PTPRD: variants seen among roughly 807,000 people sequenced by gnomAD.
PTPRD encodes protein tyrosine phosphatase receptor type D, also known as receptor-type tyrosine-protein phosphatase delta.
In PTPRD, 34 loss-of-function variants were observed where a neutral mutation model predicts 214.5. The ratio of observed to expected loss-of-function variants is 0.16; its 90% CI spans 0.12 to 0.21. PTPRD has a LOEUF of 0.21. PTPRD is among the 10% of genes least tolerant of loss of function. PTPRD has a pLI of 1.00. For synonymous variants in PTPRD, 1,128 were observed against 845.7 expected (o/e 1.33, Z -5.79); for missense variants, 2,545 against 2,398.7 (o/e 1.06, Z -1.27).
intron 7 of PTPRD, among the ~76,000 whole-genome samples, chr9:9,668,344 G>A (rs761430000): frequency 6.6e-6 from 1 of 152,072 alleles, no homozygotes; most frequent in Non-Finnish European, 1.5e-5. Flanking sequence ...AAATTTCAAA[G>A]GATTTTGCTT....
chr9:10,505,779 G>C (rs1373608259), intron 2 of PTPRD, among the ~76,000 whole-genome samples: 1 of 151,784 alleles, frequency 6.6e-6, no homozygotes, highest in African/African-American at 2.4e-5. Context: ...TGCTATTGAG[G>C]AAAAAGCATG....
chr9:9,636,929 C>T (rs2095791657), intron 7 of PTPRD, among the ~76,000 whole-genome samples: 1 of 152,134 alleles, frequency 6.6e-6, no homozygotes, highest in South Asian at 2.1e-4. Context: ...CCAAGGTGCA[C>T]CTTGAAGCTT....
At chr9:9,475,896 A>G (rs1240830213) in intron 8 of PTPRD, among the ~76,000 whole-genome samples, 1 of 152,194 alleles carries the variant, frequency 6.6e-6, no homozygotes, top group Non-Finnish European at 1.5e-5. Flanking sequence ...TATGTTATAT[A>G]TAAACTGCTA....
intron 11 of PTPRD, among the ~76,000 whole-genome samples, chr9:8,774,265 G>C (rs534825712): frequency 1.3e-5 from 2 of 152,032 alleles, no homozygotes; most frequent in South Asian, 4.1e-4. Context: ...ATCTTTTTTA[G>C]GTAGCATACC....
At position 9,826,539 on chromosome 9, in the gene PTPRD, T is replaced by A. The variant is rs184378371; in HGVS notation, c.-367-59688A>T. ...AAGTAATTTATCAAAAAATAGAGACTTTCAGTTCCTCAAATAGCCATTATT... is the reference window on the plus strand; with the variant it reads ...AAGTAATTTATCAAAAAATAGAGACATTCAGTTCCTCAAATAGCCATTATT... On this transcript the variant is annotated intron_variant, in intron 5 of 45. Coordinates refer to ENST00000381196, the MANE Select transcript of PTPRD (RefSeq NM_002839.4). Among the ~76,000 whole-genome samples the A allele has an allele frequency of 1.8e-4, 27 of 151,952 alleles. 1 individual carries two copies. The highest frequency in any genetic ancestry group is 4.8e-4 in the African/African-American group (20 of 41,422).
chr9:8,853,253 G>T (rs1006663059), intron 11 of PTPRD, among the ~76,000 whole-genome samples: 1 of 152,118 alleles, frequency 6.6e-6, no homozygotes, highest in Non-Finnish European at 1.5e-5. Context: ...ATAAGCATTT[G>T]CTCTTTGACC....
intron 3 of PTPRD, among the ~76,000 whole-genome samples, chr9:10,143,159 G>T (rs1278113229): frequency 6.6e-6 from 1 of 152,046 alleles, no homozygotes; most frequent in African/African-American, 2.4e-5. Context: ...AGCATTGGGA[G>T]ATATACCTAA....
At chr9:9,638,907 C>T (rs1315496647) in intron 7 of PTPRD, among the ~76,000 whole-genome samples, 3 of 152,188 alleles carry the variant, frequency 2.0e-5, no homozygotes, top group Admixed American at 1.3e-4. Context: ...CTTCACAGAG[C>T]AGAAGGTGAA....
intron 9 of PTPRD, among the ~76,000 whole-genome samples, chr9:9,195,133 C>T (rs1408833809): frequency 6.8e-6 from 1 of 147,648 alleles, no homozygotes; most frequent in Non-Finnish European, 1.5e-5. Flanking sequence ...TACATACATA[C>T]CCATATATAC....
chr9:8,449,738 G>T lies in PTPRD; in HGVS notation c.3975C>A (p.Asn1325Lys), dbSNP rs747115658. Residue 1325 changes from asparagine (N) to lysine (K), a missense_variant, in exon 34 of 46, where the codon AAC becomes AAA. By Grantham distance (94) the Asn-to-Lys change is moderately conservative. Transcript: ENST00000381196. Reference sequence around the variant, plus strand: ...GATGCTTCTTACCCGGTGTTTGAAAGTTAAGGCGCCTCAGTTCTACAGGGT... The same window carrying T: ...GATGCTTCTTACCCGGTGTTTGAAATTTAAGGCGCCTCAGTTCTACAGGGT... ...PTDPVELRRLNFQTPGMASHP... is the reference protein window; with the variant it reads ...PTDPVELRRLKFQTPGMASHP... The T allele has an allele frequency of 6.2e-7, 1 of 1,614,038 alleles. No individual in the cohort carries two copies. Among genetic ancestry groups the T allele is most frequent in the South Asian group, 1.1e-5 (1 of 91,074 alleles).
rs539552591 is a variant in PTPRD at position 9,894,287 on chromosome 9, A to T, written c.-368+44220T>A. On this transcript the variant is annotated intron_variant, in intron 5 of 45. Transcript: ENST00000381196. ...AGATTTCTTCTGGAAAGCAATTCAG[A>T]TTATAGTATCTCCTCATACTTAAAA... Among the ~76,000 whole-genome samples, 24 of 152,144 alleles carry T rather than the reference A, an allele frequency of 1.6e-4. 1 individual carries two copies. Among genetic ancestry groups the T allele is most frequent in the Non-Finnish European group, 3.4e-4 (23 of 67,978 alleles).
chr9:10,547,630 TAAG>T (rs1316568199), intron 2 of PTPRD, among the ~76,000 whole-genome samples: 3 of 151,956 alleles, frequency 2.0e-5, no homozygotes, highest in African/African-American at 7.2e-5. Flanking sequence ...TTTTTCTATA[TAAG>T]TAGTATTGTG....
chr9:8,781,161 C>T (rs183073517), intron 11 of PTPRD, among the ~76,000 whole-genome samples: 2 of 152,240 alleles, frequency 1.3e-5, no homozygotes, highest in Non-Finnish European at 2.9e-5. Context: ...TGCCTTGGTA[C>T]CACTTCAAGA....
At chr9:9,220,556 G>C (rs1183915942) in intron 9 of PTPRD, among the ~76,000 whole-genome samples, 1 of 151,862 alleles carries the variant, frequency 6.6e-6, no homozygotes, top group African/African-American at 2.4e-5. Context: ...AAAAAGCAAG[G>C]GGATGCTCCA....
intron 12 of PTPRD, among the ~76,000 whole-genome samples, chr9:8,688,564 CAAA>C (rs547442943): frequency 1.3e-5 from 1 of 76,004 alleles, no homozygotes; most frequent in African/African-American, 5.9e-5. Flanking sequence ...GACTCTGTCT[CAAA>C]AAAAAAAAAA....
chr9:10,179,341 C>T (rs775357727), intron 3 of PTPRD, among the ~76,000 whole-genome samples: 3 of 151,826 alleles, frequency 2.0e-5, no homozygotes, highest in Admixed American at 6.6e-5. Flanking sequence ...TTGAATAACT[C>T]TTAGAAGATA....
At chr9:9,448,686 TCTTA>T (rs1446606061) in intron 8 of PTPRD, among the ~76,000 whole-genome samples, 1 of 151,964 alleles carries the variant, frequency 6.6e-6, no homozygotes, top group Non-Finnish European at 1.5e-5. Flanking sequence ...ACAGGTCAGC[TCTTA>T]CTTACATGGG....
chr9:8,543,391 T>A (rs761623392), intron 14 of PTPRD, among the ~76,000 whole-genome samples: 3 of 152,194 alleles, frequency 2.0e-5, no homozygotes, highest in Non-Finnish European at 4.4e-5. Flanking sequence ...GTGGATGGTT[T>A]TGATGTTTAC....
chr9:8,460,544 C>T lies in PTPRD; in HGVS notation c.3742G>A (p.Asp1248Asn), dbSNP rs724159860. ...TCCAGATCCATTGACACCACGGGGT[C>T]GGAGTAAGGGCTGGTTGCATACATC... The part of the protein sequence containing the change: ...SKMYATSPYS[D>N]PVVSMDLDPQ... The change falls in exon 33 of 46, where the codon GAC (aspartate) becomes AAC (asparagine). Residue 1248 changes from aspartate to asparagine, a missense_variant. Physicochemically the swap from Asp to Asn is conservative, Grantham distance 23. Coordinates refer to ENST00000381196, the MANE Select transcript of PTPRD (RefSeq NM_002839.4). 7 of 1,613,112 alleles carry T rather than the reference C, an allele frequency of 4.3e-6. No individual in the cohort carries two copies. The highest frequency in any genetic ancestry group is 3.3e-5 in the Admixed American group (2 of 59,862).
Sources: allele counts gnomAD v4.1 joint callset (sites outside exome capture counted in the v4.1 genomes callset), GRCh38; gene constraint gnomAD v4.1.1; transcripts MANE v1.5; gene names NCBI Gene and HGNC (gene_info 2026-07-23, HGNC 2026-07-21).